Variants in BLTP3A observed in about 807,000 individuals in gnomAD.
BLTP3A encodes bridge-like lipid transfer protein family member 3A.
At chr6:34,834,292 C>T in the BLTP3A span, 7 of 1,614,108 alleles carry the variant, frequency 4.3e-6, no homozygotes, top group South Asian at 7.7e-5. Context: ...AGATTCACTC[C>T]AAGGCCTTCC....
the BLTP3A span, among the ~76,000 whole-genome samples, chr6:34,831,039 A>T: frequency 6.6e-6 from 1 of 151,640 alleles, no homozygotes; most frequent in Non-Finnish European, 1.5e-5. Context: ...GAAGTTCTTT[A>T]TATATTCTGA....
chr6:34,805,838 A>T, the BLTP3A span, among the ~76,000 whole-genome samples: 1 of 151,108 alleles, frequency 6.6e-6, no homozygotes, highest in African/African-American at 2.4e-5. Context: ...AAATAATTTT[A>T]TTCTCAGAGC....
At chr6:34,871,667 T>C in the BLTP3A span, 1 of 1,613,652 alleles carries the variant, frequency 6.2e-7, no homozygotes, top group Admixed American at 1.7e-5. Context: ...TGAAGAGGAG[T>C]GATGATGGTG....
chr6:34,795,752 C>T, the BLTP3A span, among the ~76,000 whole-genome samples: 1 of 152,154 alleles, frequency 6.6e-6, no homozygotes, highest in Non-Finnish European at 1.5e-5. Flanking sequence ...TTACACATTC[C>T]TTGGCGAACA....
the BLTP3A span, chr6:34,872,293 A>G: frequency 6.3e-7 from 1 of 1,596,102 alleles, no homozygotes; most frequent in East Asian, 2.2e-5. Flanking sequence ...TTTAACTGTT[A>G]ACTACTTATT....
At chr6:34,814,056 G>A in the BLTP3A span, among the ~76,000 whole-genome samples, 3 of 149,534 alleles carry the variant, frequency 2.0e-5, no homozygotes, top group Admixed American at 2.1e-4. Flanking sequence ...TCGCTATGTC[G>A]CCCAGGCTGG....
At chr6:34,812,537 C>T in the BLTP3A span, among the ~76,000 whole-genome samples, 2 of 152,100 alleles carry the variant, frequency 1.3e-5, no homozygotes, top group Admixed American at 6.6e-5. Context: ...GAGGCACCAT[C>T]GTAGCCCACT....
chr6:34,814,474 T>C, the BLTP3A span, among the ~76,000 whole-genome samples: 2 of 152,220 alleles, frequency 1.3e-5, no homozygotes, highest in Admixed American at 1.3e-4. Flanking sequence ...AGCGTATATA[T>C]GTTATATCAT....
At chr6:34,830,281 A>C in the BLTP3A span, among the ~76,000 whole-genome samples, 1 of 151,228 alleles carries the variant, frequency 6.6e-6, no homozygotes, top group South Asian at 2.1e-4. Context: ...TCATGACTCC[A>C]TGTATTTGCC....
the BLTP3A span, among the ~76,000 whole-genome samples, chr6:34,806,668 C>A: frequency 1.3e-5 from 2 of 152,070 alleles, no homozygotes; most frequent in East Asian, 3.9e-4. Flanking sequence ...AACCTATTCT[C>A]CCCCCCTCCC....
chr6:34,807,846 C>T, the BLTP3A span, among the ~76,000 whole-genome samples: 3 of 152,008 alleles, frequency 2.0e-5, no homozygotes, highest in Admixed American at 1.3e-4. Flanking sequence ...TCGAGATCAG[C>T]CTGGCCAACA....
At chr6:34,834,358 G>GT in the BLTP3A span, 1 of 1,613,886 alleles carries the variant, frequency 6.2e-7, no homozygotes, top group Non-Finnish European at 8.5e-7. Context: ...CCAACTGGCA[G>GT]CAGAGTGACC....
chr6:34,825,899 T>C, the BLTP3A span, among the ~76,000 whole-genome samples: 2 of 152,162 alleles, frequency 1.3e-5, no homozygotes, highest in African/African-American at 2.4e-5. Context: ...TTTTGTGTGG[T>C]CATGTGTACT....
the BLTP3A span, chr6:34,822,058 G>A: frequency 7.1e-7 from 1 of 1,414,948 alleles, no homozygotes. Flanking sequence ...AGGAATGGTG[G>A]GTGTCTCCTT....
the BLTP3A span, among the ~76,000 whole-genome samples, chr6:34,845,788 G>A: frequency 6.6e-6 from 1 of 152,022 alleles, no homozygotes; most frequent in East Asian, 1.9e-4. Context: ...TAGTAGAGAC[G>A]GGGTTTCAGC....
the BLTP3A span, among the ~76,000 whole-genome samples, chr6:34,820,834 T>TTTC: frequency 1.6e-3 from 225 of 140,486 alleles, 3 homozygotes; most frequent in Middle Eastern, 3.6e-3. Flanking sequence ...TTTTTTTTTT[T>TTTC]AGAGATAGGG....
chr6:34,821,997 C>CAAGTTAT, the BLTP3A span: 3 of 1,612,428 alleles, frequency 1.9e-6, no homozygotes, highest in Non-Finnish European at 2.5e-6. Flanking sequence ...ATGGGGATGG[C>CAAGTTAT]CAGGGTAGGC....
the BLTP3A span, among the ~76,000 whole-genome samples, chr6:34,803,552 A>G: frequency 6.6e-6 from 1 of 152,212 alleles, no homozygotes; most frequent in Non-Finnish European, 1.5e-5. Context: ...AAAGTAGAGA[A>G]CATATTTTGG....
chr6:34,857,471 G>C, the BLTP3A span: 1 of 1,613,900 alleles, frequency 6.2e-7, no homozygotes, highest in Non-Finnish European at 8.5e-7. Flanking sequence ...GAGCTTCCAG[G>C]TAAGCATCTA....
Sources: gnomAD v4.1 joint callset for allele counts (sites outside exome capture counted in the v4.1 genomes callset) on GRCh38, gnomAD v4.1.1 for gene constraint, MANE v1.5 for transcripts, NCBI Gene and HGNC (gene_info 2026-07-23, HGNC 2026-07-21) for gene names.